CELF3: variants seen among roughly 807,000 people sequenced by gnomAD.
CELF3 encodes CUGBP Elav-like family member 3.
A neutral mutation model predicts 59.6 loss-of-function variants in CELF3; 26 were observed. The observed-to-expected ratio is 0.44, with a 90% confidence interval of 0.32 to 0.61. CELF3 has a LOEUF of 0.61. Ranked by LOEUF, CELF3 falls within the 20% of genes least tolerant of loss-of-function variation. The pLI is 0.06. For missense variants in CELF3, 387 were observed against 627.2 expected (o/e 0.62, Z 4.09); for synonymous variants, 245 against 250.7 (o/e 0.98, Z 0.22).
rs768357884 is a variant in CELF3, at chr1:151,705,848, C to T, written c.1244G>A (p.Arg415Gln). The change falls in exon 11 of 13, where the codon CGA (arginine) becomes CAA (glutamine). Residue 415 changes from arginine to glutamine, a missense_variant. By Grantham distance (43) the Arg-to-Gln change is conservative. This residue lies in a region of CELF3 where 48 missense variants were observed against 118.8 expected (regional missense o/e 0.40). Coordinates refer to ENST00000290583, the MANE Select transcript of CELF3 (RefSeq NM_007185.7). The surrounding 1 kb of genome is among the most constrained non-coding windows in gnomAD (Gnocchi z 5.1). Reference sequence around the variant, plus strand: ...AAAACATTTGCTTTGATTGGTGGCTCGGTCAACAAAGACTTTGGCTGAGAT... The same window carrying T: ...AAAACATTTGCTTTGATTGGTGGCTTGGTCAACAAAGACTTTGGCTGAGAT... ...HVISAKVFVD[R>Q]ATNQSKCFGF... 6.2e-6 allele frequency: 10 copies of T among 1,614,026 alleles called. No homozygotes were observed. Among genetic ancestry groups the T allele is most frequent in the African/African-American group, 2.7e-5 (2 of 74,924 alleles).
Position 151,709,594 on chromosome 1 carries a change from C to G in CELF3, c.277+149G>C. ...GTACCCGCCCCAGATCTCACCCGCT[C>G]TGGCCACACTGACTCCTATCTCACC... On this transcript the variant is annotated intron_variant, in intron 3 of 12. Transcript: ENST00000290583. The surrounding 1 kb of genome is among the most constrained non-coding windows in gnomAD (Gnocchi z 4.9). The G allele has an allele frequency of 2.1e-6, 2 of 972,320 alleles. No homozygotes were observed. Among genetic ancestry groups the G allele is most frequent in the Non-Finnish European group, 1.6e-6 (1 of 620,118 alleles). 60.2% of individuals were successfully genotyped at this position (972,320 alleles called of 1,614,324 possible).
chr1:151,709,595 T>C lies in CELF3; in HGVS notation c.277+148A>G. ...TACCCGCCCCAGATCTCACCCGCTC[T>C]GGCCACACTGACTCCTATCTCACCG... On this transcript the variant is annotated intron_variant, in intron 3 of 12. Transcript: ENST00000290583. The surrounding 1 kb of genome is among the most constrained non-coding windows in gnomAD (Gnocchi z 4.9). 2.1e-6 allele frequency: 2 copies of C among 975,012 alleles called. No individual in the cohort carries two copies. 60.4% of individuals were successfully genotyped at this position (975,012 alleles called of 1,614,324 possible). A position where few individuals can be genotyped will look rare whatever the true frequency, so the allele number is the denominator to read the frequency against.
At position 151,702,406 on chromosome 1, in the gene CELF3, C is replaced by T. The variant is rs1270163507; in HGVS notation, c.*1053G>A. On this transcript the variant is annotated 3_prime_UTR_variant, in exon 13 of 13. Coordinates refer to ENST00000290583, the MANE Select transcript of CELF3 (RefSeq NM_007185.7). ...AACCTTCCAAGACTCTTATTTGATG[C>T]TTTTAAACTTTTTTCTTTATTTAGA... 3 of 152,142 alleles carry T rather than the reference C, an allele frequency of 2.0e-5. No homozygotes were observed. Among genetic ancestry groups the T allele is most frequent in the Non-Finnish European group, 2.9e-5 (2 of 68,036 alleles). The allele number at this position is 152,142 out of a possible 1,614,324, so 9.4% of individuals were successfully genotyped here. A position where few individuals can be genotyped will look rare whatever the true frequency, so the allele number is the denominator to read the frequency against.
chr1:151,706,471 G>C lies in CELF3; in HGVS notation c.989-110C>G, dbSNP rs1335194166. 3 of 1,274,390 alleles carry C rather than the reference G, an allele frequency of 2.4e-6. No individual in the cohort carries two copies. The East Asian group carries it at 7.6e-5, about 32-fold the overall frequency. 78.9% of individuals were successfully genotyped at this position (1,274,390 alleles called of 1,614,324 possible). On this transcript the variant is annotated intron_variant, in intron 9 of 12. Coordinates refer to ENST00000290583, the MANE Select transcript of CELF3 (RefSeq NM_007185.7). ...CCAGGCCAGTGGCACCTGCAGGGCT[G>C]AGAGGTGGTCAGGGAAGGAGCTGCC...
At position 151,708,969 on chromosome 1, in the gene CELF3, A is replaced by G. The variant is rs778248578; in HGVS notation, c.486+29T>C. 3 of 1,604,578 alleles carry G rather than the reference A, an allele frequency of 1.9e-6. No homozygotes were observed. In the Admixed American group the frequency reaches 5.0e-5, roughly 27 times the overall value. ...GGCAGGTGGGCAGGGTGGGAAGGAG[A>G]GGCCCGGGGGCAGGGGAGTGGGGCT... On this transcript the variant is annotated intron_variant, in intron 5 of 12. Transcript: ENST00000290583.
rs1279579668 is a variant in CELF3 at position 151,707,878 on chromosome 1, G to A, written c.544C>T (p.Arg182Cys). The change falls in exon 6 of 13, where the codon CGC (arginine) becomes TGC (cysteine). Residue 182 changes from arginine to cysteine, a missense_variant. Transcript: ENST00000290583. The stretch of plus-strand genomic sequence containing the variant: ...TGGGTGGCCACCTGCTGCATGCGGC[G>A]GAGACCTCGCTCCTTCTCAGTGTCA... ...FADTEKERGLRRMQQVATQLG... is the reference protein window; with the variant it reads ...FADTEKERGLCRMQQVATQLG... 6.2e-7 allele frequency: 1 copy of A among 1,613,876 alleles called. No homozygotes were observed. Among genetic ancestry groups the A allele is most frequent in the Non-Finnish European group, 8.5e-7 (1 of 1,179,866 alleles).
In CELF3 at chr1:151,701,587, C is replaced by T. The variant is rs1186266471; in HGVS notation, c.*1872G>A. 6.6e-6 allele frequency among the ~76,000 whole-genome samples: 1 copy of T among 152,138 alleles called. No homozygotes were observed. The highest frequency in any genetic ancestry group is 1.5e-5 in the Non-Finnish European group (1 of 68,016). On this transcript the variant is annotated 3_prime_UTR_variant, in exon 13 of 13. Transcript: ENST00000290583. ...TTGTGACTCCAGGGAAGTTAGTTAA[C>T]CTTCCAAGCCTCCTTTTCCCATCTA...
At chr1:151,715,495 G>C (rs1350132714) in intron 1 of CELF3, 1 of 658,992 alleles carries the variant, frequency 1.5e-6, no homozygotes, top group Non-Finnish European at 2.4e-6. Flanking sequence ...ATCTGAGGCT[G>C]CTCAGATTCT....
intron 2 of CELF3, chr1:151,711,933 G>A (rs1211381303): frequency 1.3e-5 from 2 of 152,238 alleles, no homozygotes; most frequent in Non-Finnish European, 2.9e-5. Flanking sequence ...AAATACCCAC[G>A]GCTGATGTGG....
At chr1:151,708,060 C>A in intron 5 of CELF3, 125 bp from the exon 6 acceptor site, 1 of 1,043,816 alleles carries the variant, frequency 9.6e-7, no homozygotes, top group Non-Finnish European at 1.4e-6. Flanking sequence ...GGGCGGCCAC[C>A]ATTTTGCGTA....
chr1:151,711,452 C>T (rs1350806813), intron 2 of CELF3: 1 of 151,888 alleles, frequency 6.6e-6, no homozygotes, highest in African/African-American at 2.4e-5. Flanking sequence ...CACCCCCGCC[C>T]CCCAAATCTC....
At position 151,703,034 on chromosome 1, in the gene CELF3, G is replaced by T; in HGVS notation, c.*425C>A. ...AAGAAACCCCTAATGTGGGGAAGAG[G>T]CTGGGGTGAGGGTGAGCTGGGAGTG... On this transcript the variant is annotated 3_prime_UTR_variant, in exon 13 of 13. Coordinates refer to ENST00000290583, the MANE Select transcript of CELF3 (RefSeq NM_007185.7). 1 of 381,802 alleles carries T rather than the reference G, an allele frequency of 2.6e-6. No homozygotes were observed. The highest frequency in any genetic ancestry group is 5.2e-6 in the Non-Finnish European group (1 of 190,862). 23.7% of individuals were successfully genotyped at this position (381,802 alleles called of 1,614,324 possible).
Position 151,702,597 on chromosome 1 carries a change from T to C in CELF3, c.*862A>G, listed in dbSNP as rs1672160400. ...AGAAAATGATCAGGTAATAAACCCCTTGACCCCTCCCCACACCCCTCCTCC... is the reference window on the plus strand; with the variant it reads ...AGAAAATGATCAGGTAATAAACCCCCTGACCCCTCCCCACACCCCTCCTCC... On this transcript the variant is annotated 3_prime_UTR_variant, in exon 13 of 13. Coordinates refer to ENST00000290583, the MANE Select transcript of CELF3 (RefSeq NM_007185.7). 1 of 92,484 alleles carries C rather than the reference T, an allele frequency of 1.1e-5. No homozygotes were observed. The highest frequency in any genetic ancestry group is 4.4e-5 in the African/African-American group (1 of 22,572). 5.7% of individuals were successfully genotyped at this position (92,484 alleles called of 1,614,324 possible). A position where few individuals can be genotyped will look rare whatever the true frequency, so the allele number is the denominator to read the frequency against.
chr1:151,714,455 T>C (rs1219775882), intron 2 of CELF3, 139 bp downstream of exon 2: 2 of 724,660 alleles, frequency 2.8e-6, no homozygotes, highest in Non-Finnish European at 5.1e-6. Flanking sequence ...GCAAGAAAGA[T>C]GGATGCTACA....
At position 151,709,108 on chromosome 1, in the gene CELF3, G is replaced by A. The variant is rs1286724023; in HGVS notation, c.407-31C>T. ...GAGGTTGAGATGGAGGAGGAGAGGG[G>A]TAAGCACCCATCCCTGCGGGACCCC... On this transcript the variant is annotated intron_variant, in intron 4 of 12. Coordinates refer to ENST00000290583, the MANE Select transcript of CELF3 (RefSeq NM_007185.7). The surrounding 1 kb of genome is among the most constrained non-coding windows in gnomAD (Gnocchi z 4.9). The A allele has an allele frequency of 1.2e-6, 2 of 1,611,222 alleles. No homozygotes were observed. Among genetic ancestry groups the A allele is most frequent in the Non-Finnish European group, 1.7e-6 (2 of 1,177,992 alleles).
chr1:151,711,815 G>A (rs1673046303), intron 2 of CELF3: 1 of 152,268 alleles, frequency 6.6e-6, no homozygotes, highest in African/African-American at 2.4e-5. Context: ...CTTCCCAGCA[G>A]GCCTGGGGAT....
At chr1:151,714,351 G>A (rs1010168602) in intron 2 of CELF3, 5 of 610,140 alleles carry the variant, frequency 8.2e-6, no homozygotes, top group Non-Finnish European at 1.5e-5. Flanking sequence ...GGGAAGTGGG[G>A]AAGGGGCTGC....
At position 151,716,570 on chromosome 1, in the gene CELF3, G is replaced by A. The variant is rs1275215394; in HGVS notation, c.-550C>T. On this transcript the variant is annotated 5_prime_UTR_variant, in exon 1 of 13. Transcript: ENST00000290583. ...CTCCCCTGTGGCGGATCCTTCTGCT[G>A]GGTCCGAAGATCCCTGATGCCAGAT... is the stretch of plus-strand genomic sequence containing the variant. 2.9e-6 allele frequency: 1 copy of A among 343,668 alleles called. No individual in the cohort carries two copies. Among genetic ancestry groups the A allele is most frequent in the Non-Finnish European group, 5.9e-6 (1 of 170,336 alleles). The allele number at this position is 343,668 out of a possible 1,614,324, so 21.3% of individuals were successfully genotyped here. A position where few individuals can be genotyped will look rare whatever the true frequency, so the allele number is the denominator to read the frequency against.
Position 151,705,975 on chromosome 1 carries a change from G to A in CELF3, c.1127-10C>T, listed in dbSNP as rs752987071. ...TTGCAGCCATCAGGGCCTGGGTGGC[G>A]ACAGAGACAGAAGAAAGAGCTCAGT... is the stretch of plus-strand genomic sequence containing the variant. On this transcript the variant is annotated splice_polypyrimidine_tract_variant and intron_variant, in intron 10 of 12. Coordinates refer to ENST00000290583, the MANE Select transcript of CELF3 (RefSeq NM_007185.7). This position sits in a 1 kb window ranked among gnomAD's most constrained non-coding sequence, Gnocchi z 5.1. The A allele has an allele frequency of 2.0e-5, 32 of 1,613,402 alleles. No individual in the cohort carries two copies. The Admixed American group carries it at 2.7e-4, about 13-fold the overall frequency.
Sources: gnomAD v4.1 joint callset for allele counts (sites outside exome capture counted in the v4.1 genomes callset) on GRCh38, gnomAD v4.1.1 for gene constraint, gnomAD v4.1.1 regional missense constraint, Gnocchi (gnomAD v3.1) non-coding constraint, MANE v1.5 for transcripts, NCBI Gene and HGNC (gene_info 2026-07-23, HGNC 2026-07-21) for gene names.